IL17RC: variants seen among roughly 807,000 people sequenced by gnomAD.
IL17RC encodes the protein interleukin-17 receptor C.
In IL17RC, 53 loss-of-function variants were observed where a neutral mutation model predicts 86.7. The observed-to-expected ratio is 0.61, with a 90% CI of 0.49 to 0.77. The LOEUF is 0.77. Among genes scored for constraint, IL17RC ranks in the 30% least tolerant of loss-of-function variants. The pLI is 0.00. For synonymous variants in IL17RC, 439 were observed against 413.1 expected, an observed-to-expected ratio of 1.06 and a Z score of -0.76; for missense variants, 957 against 940.0, an observed-to-expected ratio of 1.02 and a Z score of -0.24.
chr3:9,933,547 G>C lies in IL17RC; in HGVS notation c.2117G>C (p.Arg706Pro). ...FHPPGTPAPG[R>P]GVGPGAGPGA... is the part of the protein sequence containing the mutation. ...CCCCCGGGGACTCCCGCGCCGGGACGCGGGGTGGGACCAGGCGCGGGACCT... is the reference window on the plus strand; with the variant it reads ...CCCCCGGGGACTCCCGCGCCGGGACCCGGGGTGGGACCAGGCGCGGGACCT... The change falls in exon 19 of 19, where the codon CGC (arginine) becomes CCC (proline). Residue 706 changes from arginine to proline, a missense_variant. Arg to Pro is a moderately radical substitution (Grantham distance 103, BLOSUM62 -2). Transcript: ENST00000403601. The C allele has an allele frequency of 1.9e-6, 3 of 1,606,794 alleles. No individual in the cohort carries two copies. Among genetic ancestry groups the C allele is most frequent in the Non-Finnish European group, 2.5e-6 (3 of 1,177,126 alleles).
chr3:9,925,554 C>T (rs1055441818), intron 9 of IL17RC, among the ~76,000 whole-genome samples: 60 of 152,102 alleles, frequency 3.9e-4, no homozygotes, highest in African/African-American at 1.4e-3. Flanking sequence ...GTTTCAACAC[C>T]TCCAAGCTCC....
In IL17RC at chr3:9,930,733, C is replaced by A; in HGVS notation, c.1339-162C>A. 1.3e-6 allele frequency: 1 copy of A among 755,588 alleles called. No homozygotes were observed. Among genetic ancestry groups the A allele is most frequent in the South Asian group, 1.5e-5 (1 of 64,554 alleles). 46.8% of individuals were successfully genotyped at this position (755,588 alleles called of 1,614,324 possible). A position where few individuals can be genotyped will look rare whatever the true frequency, so the allele number is the denominator to read the frequency against. ...AGATTTGGTATGGAAGAAGTCATAC[C>A]CTAGTCAGTGGGCACAGCACAAAGG... On this transcript the variant is annotated intron_variant, in intron 15 of 18. Coordinates refer to ENST00000403601, the MANE Select transcript of IL17RC (RefSeq NM_153460.4). The surrounding 1 kb of genome is among the most constrained non-coding windows in gnomAD (Gnocchi z 5.8).
chr3:9,931,026 A>G, intron 16 of IL17RC, 83 bp downstream of exon 16: 1 of 1,059,282 alleles, frequency 9.4e-7, no homozygotes, highest in Admixed American at 1.7e-5. Context: ...CAGCACATGC[A>G]ATGGCCTTGT....
intron 16 of IL17RC, among the ~76,000 whole-genome samples, chr3:9,932,287 C>A (rs2084795443): frequency 6.6e-6 from 1 of 152,142 alleles, no homozygotes; most frequent in East Asian, 1.9e-4. Flanking sequence ...AGTGCAATGG[C>A]GCGATCTCGG....
chr3:9,929,786 T>G, intron 12 of IL17RC, 66 bp from the exon 13 acceptor site: 2 of 1,573,466 alleles, frequency 1.3e-6, no homozygotes, highest in Non-Finnish European at 1.7e-6. Context: ...GCCTGCCCCA[T>G]TCTGGTCTTT....
chr3:9,930,028 A>G lies in IL17RC; in HGVS notation c.1157A>G (p.Asp386Gly), dbSNP rs1414175044. 1.9e-6 allele frequency: 3 copies of G among 1,613,358 alleles called. No homozygotes were observed. Among genetic ancestry groups the G allele is most frequent in the Non-Finnish European group, 2.5e-6 (3 of 1,179,858 alleles). ...CAGAGTGGCCTCTCACCCCTTCCAGACTCCCTGGGGCCTCTCAAAGACGAT... is the reference window on the plus strand; with the variant it reads ...CAGAGTGGCCTCTCACCCCTTCCAGGCTCCCTGGGGCCTCTCAAAGACGAT... ...KLQLQECLWA[D>G]SLGPLKDDVL... Residue 386 changes from aspartate (D) to glycine (G), a missense_variant and splice_region_variant, in exon 14 of 19, where the codon GAC (aspartate) becomes GGC (glycine). Transcript: ENST00000403601. This position sits in a 1 kb window ranked among gnomAD's most constrained non-coding sequence, Gnocchi z 5.8.
At position 9,923,897 on chromosome 3, in the gene IL17RC, C is replaced by T. The variant is rs373346237; in HGVS notation, c.639C>T (p.Asn213=). Residue 213 remains asparagine, a synonymous_variant, in exon 8 of 19, where the codon AAC becomes AAT. Transcript: ENST00000403601. ...IPSCWALPWL[N]VSADGDNVHL... ...TCCCACCAGCCCTGCCCTGGCTCAACGTGTCAGCAGATGGTGACAACGTGC... is the reference window on the plus strand; with the variant it reads ...TCCCACCAGCCCTGCCCTGGCTCAATGTGTCAGCAGATGGTGACAACGTGC... 5.4e-5 allele frequency: 87 copies of T among 1,613,974 alleles called. No individual in the cohort carries two copies. The highest frequency in any genetic ancestry group is 8.8e-5 in the South Asian group (8 of 91,084).
chr3:9,933,275 C>A lies in IL17RC; in HGVS notation c.1845C>A (p.Cys615Ter). The A allele has an allele frequency of 6.2e-7, 1 of 1,604,224 alleles. No homozygotes were observed. Among genetic ancestry groups the A allele is most frequent in the Non-Finnish European group, 8.5e-7 (1 of 1,175,684 alleles). ...PHDAFRASLS[C>*]VLPDFLQGRA... Reference sequence around the variant, plus strand: ...ACGCCTTCCGCGCCTCGCTCAGCTGCGTGCTGCCCGACTTCTTGCAGGGCC... The same window carrying A: ...ACGCCTTCCGCGCCTCGCTCAGCTGAGTGCTGCCCGACTTCTTGCAGGGCC... Residue 615 changes from cysteine to a stop codon, truncating the protein, a stop_gained, in exon 19 of 19, where the codon TGC becomes TGA. Coordinates refer to ENST00000403601, the MANE Select transcript of IL17RC (RefSeq NM_153460.4). LOFTEE classifies it low-confidence loss of function (END_TRUNC).
chr3:9,932,588 T>C lies in IL17RC; in HGVS notation c.1388-20T>C, dbSNP rs1313342823. The stretch of plus-strand genomic sequence containing the variant: ...TCTGTGGAGGGTAAGTTTCTAACTC[T>C]TCTTCTCTGGGTCTCCCAGACATCC... On this transcript the variant is annotated intron_variant, in intron 16 of 18. Transcript: ENST00000403601. The C allele has an allele frequency of 5.0e-6, 8 of 1,609,422 alleles. No individual in the cohort carries two copies. In the African/African-American group the frequency reaches 9.4e-5, roughly 19 times the overall value.
In IL17RC at chr3:9,933,287, C is replaced by T. The variant is rs771691393; in HGVS notation, c.1857C>T (p.Asp619=). The T allele has an allele frequency of 9.3e-6, 15 of 1,605,096 alleles. No homozygotes were observed. The Admixed American group carries it at 2.4e-4, about 25-fold the overall frequency. ...CCTCGCTCAGCTGCGTGCTGCCCGA[C>T]TTCTTGCAGGGCCGGGCGCCCGGCA... The part of the protein sequence containing the change: ...FRASLSCVLP[D]FLQGRAPGSY... The change falls in exon 19 of 19, where the codon GAC becomes GAT. Residue 619 remains aspartate (D), a synonymous_variant. Transcript: ENST00000403601.
Position 9,918,583 on chromosome 3 carries a change from G to A in IL17RC, c.439G>A (p.Ala147Thr), listed in dbSNP as rs993345457. ...CCTGCTGGAGGTGCAAGTGCCTGCTGCCCTTGTGCAGTTTGGTCAGTCTGT... is the reference window on the plus strand; with the variant it reads ...CCTGCTGGAGGTGCAAGTGCCTGCTACCCTTGTGCAGTTTGGTCAGTCTGT... Reference protein sequence around the residue: ...CVLLEVQVPAALVQFGQSVGS... With the variant: ...CVLLEVQVPATLVQFGQSVGS... Residue 147 changes from alanine (A) to threonine (T), a missense_variant, in exon 5 of 19, where the codon GCC becomes ACC. By Grantham distance (58) the Ala-to-Thr change is moderately conservative. Coordinates refer to ENST00000403601, the MANE Select transcript of IL17RC (RefSeq NM_153460.4). 1 of 1,613,932 alleles carries A rather than the reference G, an allele frequency of 6.2e-7. No homozygotes were observed. The highest frequency in any genetic ancestry group is 8.5e-7 in the Non-Finnish European group (1 of 1,179,858).
rs1406939323 is a variant in IL17RC at position 9,929,841 on chromosome 3, C to G, written c.1111-11C>G. 4 of 1,614,024 alleles carry G rather than the reference C, an allele frequency of 2.5e-6. No individual in the cohort carries two copies. The African/African-American group carries it at 4.0e-5, about 16-fold the overall frequency. ...TTCTTAGTGGCCCTAACCATGGTCT[C>G]TTCCCAGCAGGTGAACAGCTCGGAG... is the stretch of plus-strand genomic sequence containing the variant. On this transcript the variant is annotated splice_polypyrimidine_tract_variant and intron_variant, in intron 12 of 18. Transcript: ENST00000403601.
Position 9,917,776 on chromosome 3 carries a change from G to A in IL17RC, c.127+42G>A, listed in dbSNP as rs774107285. The A allele has an allele frequency of 3.3e-5, 53 of 1,612,524 alleles. 1 individual carries two copies. Among genetic ancestry groups the A allele is most frequent in the South Asian group, 3.2e-4 (29 of 91,062 alleles). ...TTAAAAAGAATTTCCCAGGTTGGCC[G>A]AAGGGAGCAGAGCTGTCCCAGGCCC... On this transcript the variant is annotated intron_variant, in intron 2 of 18. Coordinates refer to ENST00000403601, the MANE Select transcript of IL17RC (RefSeq NM_153460.4).
At chr3:9,932,064 C>T (rs1020144988) in intron 16 of IL17RC, among the ~76,000 whole-genome samples, 1 of 151,966 alleles carries the variant, frequency 6.6e-6, no homozygotes, top group African/African-American at 2.4e-5. Flanking sequence ...TATATTTAGT[C>T]CTCACACCAA....
intron 9 of IL17RC, among the ~76,000 whole-genome samples, chr3:9,926,498 C>T (rs1438192130): frequency 6.6e-6 from 1 of 152,006 alleles, no homozygotes; most frequent in Non-Finnish European, 1.5e-5. Context: ...ATCCTTACTA[C>T]AAGTGTGAGT....
chr3:9,924,161 G>T, intron 8 of IL17RC, 71 bp from the exon 9 acceptor site: 1 of 1,609,134 alleles, frequency 6.2e-7, no homozygotes. Context: ...TGCCTTCCTG[G>T]TTTCCTTGAC....
At chr3:9,927,750 G>C (rs544740906) in intron 9 of IL17RC, among the ~76,000 whole-genome samples, 1 of 152,040 alleles carries the variant, frequency 6.6e-6, no homozygotes, top group African/African-American at 2.4e-5. Flanking sequence ...AGACCAGCCT[G>C]ATCAATGTGG....
Position 9,930,935 on chromosome 3 carries a change from T to G in IL17RC, c.1379T>G (p.Met460Arg), listed in dbSNP as rs771542949. Reference protein sequence around the residue: ...DDLGALWACPMDKYIHKRWAL... With the variant: ...DDLGALWACPRDKYIHKRWAL... ...TTGGGAGCGCTATGGGCCTGCCCCATGGACAAATGTGAGTATTGTAAGAAC... is the reference window on the plus strand; with the variant it reads ...TTGGGAGCGCTATGGGCCTGCCCCAGGGACAAATGTGAGTATTGTAAGAAC... The change falls in exon 16 of 19, where the codon ATG (methionine) becomes AGG (arginine). Residue 460 changes from methionine (M) to arginine (R), a missense_variant. Physicochemically the swap from Met to Arg is moderately conservative, Grantham distance 91. Transcript: ENST00000403601. The surrounding 1 kb of genome is among the most constrained non-coding windows in gnomAD (Gnocchi z 5.8). The G allele has an allele frequency of 6.2e-7, 1 of 1,613,790 alleles. No homozygotes were observed. The highest frequency in any genetic ancestry group is 1.7e-5 in the Admixed American group (1 of 60,026).
In IL17RC at chr3:9,917,321, T is replaced by C. The variant is rs757463150; in HGVS notation, c.6T>C (p.Pro2=). The change falls in exon 1 of 19, where the codon CCT becomes CCC. Residue 2 remains proline (P), a synonymous_variant. Coordinates refer to ENST00000403601, the MANE Select transcript of IL17RC (RefSeq NM_153460.4). ...TGCCACCTGGCACCTAGAAGATGCC[T>C]GTGCCCTGGTTCTTGCTGTCCTTGG... M[P]VPWFLLSLAL... 6 of 1,612,820 alleles carry C rather than the reference T, an allele frequency of 3.7e-6. No individual in the cohort carries two copies. The highest frequency in any genetic ancestry group is 5.1e-6 in the Non-Finnish European group (6 of 1,179,314).
Sources: gnomAD v4.1 joint callset for allele counts (sites outside exome capture counted in the v4.1 genomes callset) on GRCh38, gnomAD v4.1.1 for gene constraint, Gnocchi (gnomAD v3.1) non-coding constraint, MANE v1.5 for transcripts, NCBI Gene and HGNC (gene_info 2026-07-23, HGNC 2026-07-21) for gene names.